MYL1: variants seen among roughly 807,000 people sequenced by gnomAD.
The protein encoded by MYL1 is myosin light chain 1/3, skeletal muscle isoform.
A neutral mutation model predicts 21.8 loss-of-function variants in MYL1; 16 were observed. The observed-to-expected ratio is 0.74, with a 90% CI of 0.50 to 1.12. The LOEUF (loss-of-function observed/expected upper bound fraction) is 1.12. Among genes scored for constraint, MYL1 ranks in the 50% most tolerant of loss-of-function variants. The pLI is 0.00. For missense variants in MYL1, 246 were observed against 241.0 expected (o/e 1.02, Z -0.14); for synonymous variants, 99 against 85.2 (o/e 1.16, Z -0.89).
At chr2:210,295,509 G>A (rs1011400012) in intron 3 of MYL1, among the ~76,000 whole-genome samples, 5 of 152,062 alleles carry the variant, frequency 3.3e-5, no homozygotes, top group African/African-American at 7.2e-5. Context: ...GCCAGGCATG[G>A]TGATACATGC....
intron 1 of MYL1, among the ~76,000 whole-genome samples, chr2:210,303,792 A>C (rs531643621): frequency 1.6e-4 from 25 of 152,146 alleles, no homozygotes; most frequent in Non-Finnish European, 2.4e-4. Flanking sequence ...AGAACCTTGG[A>C]GTAGACAGCC....
chr2:210,297,892 T>C (rs1049587318), intron 3 of MYL1, among the ~76,000 whole-genome samples: 6 of 151,972 alleles, frequency 3.9e-5, no homozygotes, highest in Non-Finnish European at 1.5e-5. Context: ...TGCAATTTCA[T>C]TTCCACAGCT....
At chr2:210,308,399 A>AATATATATATATATATATAT (rs71043988) in intron 1 of MYL1, among the ~76,000 whole-genome samples, 18 of 84,766 alleles carry the variant, frequency 2.1e-4, no homozygotes, top group East Asian at 3.0e-4. Context: ...TACTTAGGCT[A>AATATATATATATATATATAT]ATATATATAT....
chr2:210,309,447 C>T (rs1372929404), intron 1 of MYL1, among the ~76,000 whole-genome samples: 2 of 151,992 alleles, frequency 1.3e-5, no homozygotes, highest in Non-Finnish European at 2.9e-5. Flanking sequence ...GGCTTCACTT[C>T]ACTGTTATTA....
intron 3 of MYL1, among the ~76,000 whole-genome samples, chr2:210,296,632 A>G (rs540522123): frequency 1.1e-4 from 17 of 152,288 alleles, no homozygotes; most frequent in Non-Finnish European, 1.8e-4. Context: ...AAAACAAACT[A>G]AAACAAAACA....
In MYL1 at chr2:210,315,044, T is replaced by G. The variant is rs1483637275; in HGVS notation, c.-2A>C. 1.3e-6 allele frequency: 2 copies of G among 1,591,742 alleles called. No individual in the cohort carries two copies. Among genetic ancestry groups the G allele is most frequent in the African/African-American group, 1.4e-5 (1 of 72,796 alleles). ...CTTCACGTCTTTCTTTGGTGCCATT[T>G]TTTTTTTTAAAAGGGTGGGTTAAAA... On this transcript the variant is annotated 5_prime_UTR_variant, in exon 1 of 7. Transcript: ENST00000352451.
chr2:210,302,585 C>A, intron 1 of MYL1, 70 bp from the exon 2 acceptor site: 1 of 1,549,522 alleles, frequency 6.5e-7, no homozygotes, highest in South Asian at 1.2e-5. Flanking sequence ...TAGTTGTATC[C>A]AGCTCATTCC....
chr2:210,293,187 T>G (rs1690108029), intron 5 of MYL1, among the ~76,000 whole-genome samples: 1 of 152,234 alleles, frequency 6.6e-6, no homozygotes, highest in Non-Finnish European at 1.5e-5. Context: ...TGCATTGCTT[T>G]CACACCCTCT....
intron 1 of MYL1, among the ~76,000 whole-genome samples, chr2:210,303,336 G>GATGT (rs368925857): frequency 3.5e-4 from 53 of 152,274 alleles, no homozygotes; most frequent in African/African-American, 1.2e-3. Context: ...GCTCTTGGAA[G>GATGT]ATGTATTTTT....
At position 210,290,392 on chromosome 2, in the gene MYL1, G is replaced by A. The variant is rs533989831; in HGVS notation, c.*90C>T. ...GATTGCTTTGTTTTCCTGAATGATG[G>A]TAAACAGATCTGGAGAGTTTGTCAT... On this transcript the variant is annotated 3_prime_UTR_variant, in exon 7 of 7. Coordinates refer to ENST00000352451, the MANE Select transcript of MYL1 (RefSeq NM_079420.3). 6.6e-6 allele frequency: 1 copy of A among 152,282 alleles called. No individual in the cohort carries two copies. The highest frequency in any genetic ancestry group is 2.1e-4 in the South Asian group (1 of 4,822). 9.4% of individuals were successfully genotyped at this position (152,282 alleles called of 1,614,324 possible). A position where few individuals can be genotyped will look rare whatever the true frequency, so the allele number is the denominator to read the frequency against.
intron 1 of MYL1, among the ~76,000 whole-genome samples, chr2:210,305,054 G>A (rs961792606): frequency 6.6e-6 from 1 of 152,200 alleles, no homozygotes; most frequent in Non-Finnish European, 1.5e-5. Context: ...GTATATTGGA[G>A]ATTAATTGTA....
At chr2:210,305,996 G>T (rs773459322) in intron 1 of MYL1, among the ~76,000 whole-genome samples, 1 of 151,876 alleles carries the variant, frequency 6.6e-6, no homozygotes, top group Non-Finnish European at 1.5e-5. Context: ...GGAGGTGGAC[G>T]TTGCGGTGAG....
intron 3 of MYL1, among the ~76,000 whole-genome samples, chr2:210,296,234 T>A (rs1690173012): frequency 6.6e-6 from 1 of 152,196 alleles, no homozygotes; most frequent in South Asian, 2.1e-4. Context: ...TGTGTAATGA[T>A]CAAATAAGGA....
At chr2:210,294,167 G>T in intron 4 of MYL1, 78 bp downstream of exon 4, 4 of 1,328,196 alleles carry the variant, frequency 3.0e-6, no homozygotes, top group South Asian at 1.7e-5. Context: ...CTCCTATTTT[G>T]GTAGTGACAT....
chr2:210,314,104 G>T (rs1369105375), intron 1 of MYL1, among the ~76,000 whole-genome samples: 2 of 152,108 alleles, frequency 1.3e-5, no homozygotes, highest in Admixed American at 1.3e-4. Context: ...TAATCTTTTG[G>T]CAATTGAGAA....
chr2:210,299,498 G>A (rs181085229), intron 2 of MYL1, among the ~76,000 whole-genome samples: 1 of 152,278 alleles, frequency 6.6e-6, no homozygotes, highest in East Asian at 1.9e-4. Context: ...GTACGTGTAT[G>A]TATTAAGTAT....
intron 5 of MYL1, 49 bp from the exon 6 acceptor site, chr2:210,291,123 T>A: frequency 6.9e-7 from 1 of 1,459,306 alleles, no homozygotes; most frequent in Non-Finnish European, 9.6e-7. Context: ...TAGGAAACAG[T>A]CAAATTTAAT....
rs185165496 is a variant in MYL1, at chr2:210,312,491, A to G, written c.132+2420T>C. 3.6e-3 allele frequency among the ~76,000 whole-genome samples: 547 copies of G among 152,018 alleles called. 2 individuals are homozygous for G. The highest frequency in any genetic ancestry group is 0.012 in the African/African-American group (510 of 41,558). On this transcript the variant is annotated intron_variant, in intron 1 of 6. Coordinates refer to ENST00000352451, the MANE Select transcript of MYL1 (RefSeq NM_079420.3). ...ATCATAATATAAAATGTTTTAATGT[A>G]TGTTTTAATTAGGCCTGTTACCTCC...
At chr2:210,308,416 A>C (rs1168613802) in intron 1 of MYL1, among the ~76,000 whole-genome samples, 2 of 54,416 alleles carry the variant, frequency 3.7e-5, no homozygotes, top group African/African-American at 8.9e-5. Flanking sequence ...ATATATATAT[A>C]TATATATATA....
Sources: allele counts gnomAD v4.1 joint callset (sites outside exome capture counted in the v4.1 genomes callset), GRCh38; gene constraint gnomAD v4.1.1; transcripts MANE v1.5; gene names NCBI Gene and HGNC (gene_info 2026-07-23, HGNC 2026-07-21).